CHMP1A: variants seen among roughly 807,000 people sequenced by gnomAD.
The protein encoded by CHMP1A is VPS46 homolog A.
Under a neutral mutation model 27.0 loss-of-function variants are expected in CHMP1A, and 17 were observed. The ratio of observed to expected loss-of-function variants is 0.63; its 90% confidence interval spans 0.43 to 0.95. The LOEUF (loss-of-function observed/expected upper bound fraction) is 0.95. Ranked by LOEUF, CHMP1A falls within the 40% of genes least tolerant of loss-of-function variation. The probability of loss-of-function intolerance (pLI) is 0.00; values close to 1 mark genes in which losing one functional copy is unlikely to be tolerated. For synonymous variants in CHMP1A, 131 were observed against 107.5 expected, an observed-to-expected ratio of 1.22 and a Z score of -1.35; for missense variants, 275 against 264.0, an observed-to-expected ratio of 1.04 and a Z score of -0.29.
At chr16:89,646,786 T>C (rs1490971425) in intron 5 of CHMP1A, 72 bp from the exon 6 acceptor site, 1 of 1,486,922 alleles carries the variant, frequency 6.7e-7, no homozygotes, top group Non-Finnish European at 9.2e-7. Context: ...TTCACAAGGG[T>C]ACGACTGCAC....
chr16:89,653,815 C>A, intron 2 of CHMP1A, 89 bp downstream of exon 2: 1 of 1,370,270 alleles, frequency 7.3e-7, no homozygotes, highest in South Asian at 1.2e-5. Context: ...ATAATCTGCC[C>A]GACTGTTTCT....
Position 89,649,507 on chromosome 16 carries a change from G to A in CHMP1A, c.106-10C>T, listed in dbSNP as rs199882131. The A allele has an allele frequency of 3.9e-5, 63 of 1,613,346 alleles. No homozygotes were observed. Among genetic ancestry groups the A allele is most frequent in the Middle Eastern group, 1.7e-4 (1 of 6,060 alleles). Reference sequence around the variant, plus strand: ...TTTTCTGCAGAAGGGCCTGAAACCCGCGGGGGAAAGCAGCTGGAAGAGCTT... The same window carrying A: ...TTTTCTGCAGAAGGGCCTGAAACCCACGGGGGAAAGCAGCTGGAAGAGCTT... On this transcript the variant is annotated splice_polypyrimidine_tract_variant and intron_variant, in intron 3 of 6. Coordinates refer to ENST00000397901, the MANE Select transcript of CHMP1A (RefSeq NM_002768.5).
chr16:89,651,925 A>G (rs973913239), intron 2 of CHMP1A, among the ~76,000 whole-genome samples: 1 of 152,002 alleles, frequency 6.6e-6, no homozygotes, highest in African/African-American at 2.4e-5. Flanking sequence ...GAACAGCCTC[A>G]CCCAAGGCCT....
At chr16:89,650,475 C>T (rs645019) in intron 3 of CHMP1A, among the ~76,000 whole-genome samples, 49,114 of 152,064 alleles carry the variant, frequency 0.32, 10,080 homozygotes, top group Middle Eastern at 0.62. Context: ...GACCCTGATG[C>T]CCTAGACACC....
rs2059767314 is a variant in CHMP1A, at chr16:89,645,598, G to A, written c.*468C>T. The A allele has an allele frequency of 7.9e-6, 2 of 252,326 alleles. No homozygotes were observed. Among genetic ancestry groups the A allele is most frequent in the Admixed American group, 5.2e-5 (1 of 19,262 alleles). The allele number at this position is 252,326 out of a possible 1,614,324, so 15.6% of individuals were successfully genotyped here. On this transcript the variant is annotated 3_prime_UTR_variant, in exon 7 of 7. Coordinates refer to ENST00000397901, the MANE Select transcript of CHMP1A (RefSeq NM_002768.5). Reference sequence around the variant, plus strand: ...GTTGGGTGGCACCTGACATCCCCCAGCACACATAGACCTGTGGTGCCTCCT... The same window carrying A: ...GTTGGGTGGCACCTGACATCCCCCAACACACATAGACCTGTGGTGCCTCCT...
At chr16:89,649,825 C>A (rs988733399) in intron 3 of CHMP1A, among the ~76,000 whole-genome samples, 1 of 152,224 alleles carries the variant, frequency 6.6e-6, no homozygotes, top group African/African-American at 2.4e-5. Context: ...ATCTGCCCGC[C>A]TCGGCCTCCC....
rs140999200 is a variant in CHMP1A, at chr16:89,654,708, C to T, written c.8-785G>A. The stretch of plus-strand genomic sequence containing the variant: ...CTGTAATCCCAGCACTTTGGGAGGC[C>T]GAGGCCGGCGGAACATGAGGTCAGG... On this transcript the variant is annotated intron_variant, in intron 1 of 6. Transcript: ENST00000397901. Among the ~76,000 whole-genome samples the T allele has an allele frequency of 3.0e-3, 457 of 152,080 alleles. 2 individuals carry two copies. Among genetic ancestry groups the T allele is most frequent in the African/African-American group, 0.01 (435 of 41,484 alleles).
Sources: gnomAD v4.1 joint callset for allele counts (sites outside exome capture counted in the v4.1 genomes callset) on GRCh38, gnomAD v4.1.1 for gene constraint, MANE v1.5 for transcripts, NCBI Gene and HGNC (gene_info 2026-07-23, HGNC 2026-07-21) for gene names.